The following SYNPR variants were observed in gnomAD, a reference collection of about 807,000 sequenced individuals.
SYNPR encodes synaptoporin.
Under a neutral mutation model 32.9 loss-of-function variants are expected in SYNPR, and 23 were observed. That is an observed-to-expected ratio of 0.70 (90% CI 0.50 to 0.99). The LOEUF is 0.99. Ranked by LOEUF, SYNPR falls within the 50% of genes least tolerant of loss-of-function variation. SYNPR has a pLI of 0.00. For synonymous variants in SYNPR, 146 were observed against 135.9 expected (o/e 1.07, Z -0.52); for missense variants, 318 against 349.3 (o/e 0.91, Z 0.71).
In SYNPR at chr3:63,615,345, GC is replaced by G. The variant is rs1559552350; in HGVS notation, c.723del (p.Tyr242IlefsTer68). On this transcript the variant is annotated frameshift_variant, in exon 6 of 6. Coordinates refer to ENST00000478300, the MANE Select transcript of SYNPR (RefSeq NM_001130003.2). LOFTEE classifies it high-confidence loss of function. ...LSDPMEKHSS[S>X]YNQGGYNQDS... ...GATCCAATGGAGAAGCACTCCAGCAGCTATAATCAAGGTGGTTACAACCAAG... is the reference window on the plus strand; with the variant it reads ...GATCCAATGGAGAAGCACTCCAGCAGTATAATCAAGGTGGTTACAACCAAG... 6.2e-7 allele frequency: 1 copy of G among 1,613,916 alleles called. No individual in the cohort carries two copies.
At chr3:63,555,654 A>G (rs1240630586) in intron 3 of SYNPR, among the ~76,000 whole-genome samples, 6 of 152,202 alleles carry the variant, frequency 3.9e-5, no homozygotes, top group African/African-American at 9.6e-5. Flanking sequence ...TAAAAGTTCA[A>G]TCAAATTATG....
intron 2 of SYNPR, among the ~76,000 whole-genome samples, chr3:63,289,860 GT>G (rs1389698649): frequency 1.3e-5 from 2 of 152,168 alleles, no homozygotes; most frequent in African/African-American, 4.8e-5. Flanking sequence ...GCCGGGCGCG[GT>G]GTCTCACGCC....
At chr3:63,202,828 C>A in the SYNPR span, among the ~76,000 whole-genome samples, 4 of 152,012 alleles carry the variant, frequency 2.6e-5, no homozygotes, top group South Asian at 8.3e-4. Context: ...GGACTTAGAA[C>A]TTCCAAAATT....
the SYNPR span, among the ~76,000 whole-genome samples, chr3:63,211,104 T>C: frequency 6.6e-6 from 1 of 152,198 alleles, no homozygotes; most frequent in Non-Finnish European, 1.5e-5. Flanking sequence ...AGTCTCACTT[T>C]GTCACCCAGC....
At chr3:63,481,063 A>G (rs1002428810) in intron 3 of SYNPR, 107 bp downstream of exon 3, 1 of 1,449,652 alleles carries the variant, frequency 6.9e-7, no homozygotes, top group African/African-American at 1.4e-5. Context: ...GGGTAAACAG[A>G]AAGTATTCTG....
At chr3:63,411,846 T>C (rs1212766509) in intron 2 of SYNPR, among the ~76,000 whole-genome samples, 1 of 152,162 alleles carries the variant, frequency 6.6e-6, no homozygotes, top group Non-Finnish European at 1.5e-5. Flanking sequence ...TTTCCTAAAA[T>C]CAGTAGGAGG....
At chr3:63,413,112 G>C (rs993304173) in intron 2 of SYNPR, among the ~76,000 whole-genome samples, 15 of 152,106 alleles carry the variant, frequency 9.9e-5, no homozygotes, top group East Asian at 1.9e-4. Flanking sequence ...GGTTAAATTA[G>C]ATAACGATCA....
At chr3:63,600,913 C>T (rs1465700724) in intron 4 of SYNPR, among the ~76,000 whole-genome samples, 1 of 152,156 alleles carries the variant, frequency 6.6e-6, no homozygotes, top group Non-Finnish European at 1.5e-5. Flanking sequence ...TACAGAAGTT[C>T]AGGCTTATAT....
intron 2 of SYNPR, among the ~76,000 whole-genome samples, chr3:63,465,003 A>G (rs1700651303): frequency 6.6e-6 from 1 of 152,094 alleles, no homozygotes; most frequent in Non-Finnish European, 1.5e-5. Context: ...TTCCATGTGA[A>G]CTCCACTTAT....
At chr3:63,347,904 TGTGTG>T (rs2087457958) in intron 2 of SYNPR, among the ~76,000 whole-genome samples, 1 of 151,694 alleles carries the variant, frequency 6.6e-6, no homozygotes, top group Non-Finnish European at 1.5e-5. Context: ...TGTGTGTGTG[TGTGTG>T]TGTGTGTGTA....
chr3:63,482,244 C>T (rs770746065), intron 3 of SYNPR, among the ~76,000 whole-genome samples: 45 of 152,232 alleles, frequency 3.0e-4, no homozygotes, highest in Non-Finnish European at 5.9e-4. Context: ...ATGATTGGCC[C>T]AGTGAAAGGC....
intron 4 of SYNPR, among the ~76,000 whole-genome samples, chr3:63,568,000 AC>A (rs1221099247): frequency 6.6e-6 from 1 of 152,228 alleles, no homozygotes; most frequent in African/African-American, 2.4e-5. Context: ...TTGGCTAGTT[AC>A]CATTATGGGC....
intron 2 of SYNPR, among the ~76,000 whole-genome samples, chr3:63,295,666 C>T (rs2086786555): frequency 6.6e-6 from 1 of 152,182 alleles, no homozygotes; most frequent in African/African-American, 2.4e-5. Context: ...ACTTTTAAAA[C>T]TTCTTTTCTT....
At chr3:63,599,098 T>C (rs1302459673) in intron 4 of SYNPR, among the ~76,000 whole-genome samples, 3 of 152,190 alleles carry the variant, frequency 2.0e-5, no homozygotes, top group Non-Finnish European at 4.4e-5. Flanking sequence ...TGTACCCCAT[T>C]ATGGATGTTT....
chr3:63,200,747 A>T, the SYNPR span, among the ~76,000 whole-genome samples: 1 of 152,288 alleles, frequency 6.6e-6, no homozygotes, highest in Admixed American at 6.5e-5. Context: ...TAGAGAAAGG[A>T]TATTGACTCT....
At chr3:63,200,892 G>A in the SYNPR span, among the ~76,000 whole-genome samples, 1 of 152,154 alleles carries the variant, frequency 6.6e-6, no homozygotes, top group Non-Finnish European at 1.5e-5. Context: ...TAGCCCAAGT[G>A]TAATGATATC....
At chr3:63,454,752 G>GTGTGATGTGATGTGATGTGA in intron 2 of SYNPR, among the ~76,000 whole-genome samples, 1 of 152,078 alleles carries the variant, frequency 6.6e-6, no homozygotes, top group South Asian at 2.1e-4. Flanking sequence ...AGAGATCTCT[G>GTGTGATGTGATGTGATGTGA]TGTGATGTGA....
intron 3 of SYNPR, among the ~76,000 whole-genome samples, chr3:63,497,343 G>C (rs1701391603): frequency 6.6e-6 from 1 of 152,106 alleles, no homozygotes; most frequent in African/African-American, 2.4e-5. Context: ...TCTAGTCCCT[G>C]TTTCCTCACA....
At position 63,452,747 on chromosome 3, in the gene SYNPR, G is replaced by C. The variant is rs148677742; in HGVS notation, c.85-28085G>C. ...CATTGTGTATATGGTGACTCTGAGAGTATAGCTTAGGTGCGTTTGACCCCA... is the reference window on the plus strand; with the variant it reads ...CATTGTGTATATGGTGACTCTGAGACTATAGCTTAGGTGCGTTTGACCCCA... On this transcript the variant is annotated intron_variant, in intron 2 of 5. Coordinates refer to ENST00000478300, the MANE Select transcript of SYNPR (RefSeq NM_001130003.2). Among the ~76,000 whole-genome samples the C allele has an allele frequency of 4.2e-3, 633 of 152,238 alleles. 3 individuals carry two copies. Among genetic ancestry groups the C allele is most frequent in the African/African-American group, 0.015 (605 of 41,532 alleles).
Sources: allele counts gnomAD v4.1 joint callset (sites outside exome capture counted in the v4.1 genomes callset), GRCh38; gene constraint gnomAD v4.1.1; transcripts MANE v1.5; gene names NCBI Gene and HGNC (gene_info 2026-07-23, HGNC 2026-07-21).